The following ADAM9 variants were observed in gnomAD, a reference collection of about 807,000 sequenced individuals.
ADAM9 encodes ADAM metallopeptidase domain 9, also known as disintegrin and metalloproteinase domain-containing protein 9.
ADAM9 carries 54 observed loss-of-function variants against 108.1 expected under a neutral mutation model. The ratio of observed to expected loss-of-function variants is 0.50; its 90% CI spans 0.40 to 0.63. The LOEUF (loss-of-function observed/expected upper bound fraction) is 0.63. Among genes scored for constraint, ADAM9 ranks in the 20% least tolerant of loss-of-function variants. The pLI, the probability that ADAM9 is intolerant of heterozygous loss-of-function variation, is 0.00. For missense variants in ADAM9, 830 were observed against 997.7 expected (o/e 0.83, Z 2.26); for synonymous variants, 316 against 336.0 (o/e 0.94, Z 0.65).
intron 11 of ADAM9, among the ~76,000 whole-genome samples, chr8:39,035,922 C>CT (rs1837258057): frequency 6.6e-6 from 1 of 152,012 alleles, no homozygotes; most frequent in South Asian, 2.1e-4. Flanking sequence ...CCTCAGATTC[C>CT]TTTTTACTAC....
At chr8:39,050,791 G>A (rs1197390732) in intron 12 of ADAM9, among the ~76,000 whole-genome samples, 1 of 149,074 alleles carries the variant, frequency 6.7e-6, no homozygotes, top group Admixed American at 6.7e-5. Context: ...TGTGACATGT[G>A]GTCCAACAGT....
intron 12 of ADAM9, among the ~76,000 whole-genome samples, chr8:39,046,094 A>G (rs905378109): frequency 2.6e-5 from 4 of 152,140 alleles, no homozygotes; most frequent in East Asian, 1.9e-4. Context: ...AATTATTCCA[A>G]TCCATGAACA....
intron 11 of ADAM9, among the ~76,000 whole-genome samples, chr8:39,037,458 G>GTGTTT (rs56848190): frequency 4.7e-5 from 6 of 126,542 alleles, no homozygotes; most frequent in Middle Eastern, 4.1e-3. Context: ...GTGTGTGTGT[G>GTGTTT]TTTTTTTTTT....
intron 14 of ADAM9, among the ~76,000 whole-genome samples, chr8:39,069,872 T>G (rs913902337): frequency 1.3e-5 from 2 of 152,112 alleles, no homozygotes; most frequent in East Asian, 1.9e-4. Context: ...TTTCACTTAT[T>G]TTTTGTGCAT....
Position 39,103,645 on chromosome 8 carries a change from A to T in ADAM9, c.2405A>T (p.Asn802Ile). Reference protein sequence around the residue: ...PPQPKVSSQGNLIPARPAPAP... With the variant: ...PPQPKVSSQGILIPARPAPAP... Reference sequence around the variant, plus strand: ...CAACCGAAAGTATCATCTCAGGGAAACTTAATTCCTGCCCGTCCTGCTCCT... The same window carrying T: ...CAACCGAAAGTATCATCTCAGGGAATCTTAATTCCTGCCCGTCCTGCTCCT... Residue 802 changes from asparagine to isoleucine, a missense_variant, in exon 22 of 22, where the codon AAC (asparagine) becomes ATC (isoleucine). Physicochemically the swap from Asn to Ile is moderately radical, Grantham distance 149. Coordinates refer to ENST00000487273, the MANE Select transcript of ADAM9 (RefSeq NM_003816.3). 1.9e-6 allele frequency: 3 copies of T among 1,614,034 alleles called. No homozygotes were observed. The highest frequency in any genetic ancestry group is 2.5e-6 in the Non-Finnish European group (3 of 1,179,996).
chr8:39,022,033 C>T (rs1240853819), intron 8 of ADAM9, among the ~76,000 whole-genome samples: 1 of 150,328 alleles, frequency 6.7e-6, no homozygotes. Flanking sequence ...ATAAGGCTGC[C>T]TTCTACCCTG....
chr8:39,013,844 T>G, intron 3 of ADAM9, 121 bp from the exon 4 acceptor site: 1 of 805,670 alleles, frequency 1.2e-6, no homozygotes, highest in Non-Finnish European at 2.1e-6. Context: ...TAAAAATAAT[T>G]TATCTGGTGA....
intron 12 of ADAM9, among the ~76,000 whole-genome samples, chr8:39,045,094 ATG>A (rs1460918091): frequency 0.012 from 277 of 23,588 alleles, 52 homozygotes; most frequent in Non-Finnish European, 0.017. Context: ...ATACATACAT[ATG>A]TGTGTGTGCA....
At chr8:39,037,300 C>T (rs1314983846) in intron 11 of ADAM9, among the ~76,000 whole-genome samples, 3 of 146,304 alleles carry the variant, frequency 2.1e-5, no homozygotes, top group East Asian at 4.1e-4. Flanking sequence ...CCACCCGCCT[C>T]GGCCTCCCAA....
intron 1 of ADAM9, among the ~76,000 whole-genome samples, chr8:39,005,830 C>T (rs1267252781): frequency 6.6e-6 from 1 of 152,158 alleles, no homozygotes; most frequent in Admixed American, 6.5e-5. Flanking sequence ...TATGCTTGGC[C>T]TGATTGTTTG....
intron 11 of ADAM9, among the ~76,000 whole-genome samples, chr8:39,033,722 T>A (rs1837176982): frequency 6.6e-6 from 1 of 152,178 alleles, no homozygotes; most frequent in Non-Finnish European, 1.5e-5. Context: ...TCAATTGTAA[T>A]CTGAAATGAA....
intron 9 of ADAM9, among the ~76,000 whole-genome samples, chr8:39,024,436 C>T (rs1043383799): frequency 2.0e-5 from 3 of 152,152 alleles, no homozygotes; most frequent in South Asian, 2.1e-4. Context: ...GAGACATTTC[C>T]CAGATGCTTG....
At chr8:39,009,603 G>C (rs556814890) in intron 2 of ADAM9, among the ~76,000 whole-genome samples, 1 of 152,244 alleles carries the variant, frequency 6.6e-6, no homozygotes, top group South Asian at 2.1e-4. Flanking sequence ...TTGTGTCTCT[G>C]ATAGTATCTT....
chr8:39,045,207 T>C (rs1246886831), intron 12 of ADAM9, among the ~76,000 whole-genome samples: 1 of 138,098 alleles, frequency 7.2e-6, no homozygotes, highest in East Asian at 2.1e-4. Context: ...TGTGTATATA[T>C]GTGTATACAT....
rs192149540 is a variant in ADAM9, at chr8:39,007,788, A to G, written c.98-98A>G. ...TATTGTAATATGGGAATGTCAGGTG[A>G]TTTTTCTGTGATTTGAACATTTTGA... On this transcript the variant is annotated intron_variant, in intron 1 of 21. Coordinates refer to ENST00000487273, the MANE Select transcript of ADAM9 (RefSeq NM_003816.3). 6 of 838,674 alleles carry G rather than the reference A, an allele frequency of 7.2e-6. No individual in the cohort carries two copies. In the East Asian group the frequency reaches 1.5e-4, roughly 21 times the overall value. 52.0% of individuals were successfully genotyped at this position (838,674 alleles called of 1,614,324 possible).
At chr8:39,098,967 A>T (rs578019314) in intron 20 of ADAM9, among the ~76,000 whole-genome samples, 8 of 151,856 alleles carry the variant, frequency 5.3e-5, no homozygotes, top group Admixed American at 1.3e-4. Flanking sequence ...ATATATATAT[A>T]TTTTTTTGCC....
intron 14 of ADAM9, among the ~76,000 whole-genome samples, chr8:39,056,935 A>G (rs922939528): frequency 2.0e-5 from 3 of 152,230 alleles, no homozygotes; most frequent in Non-Finnish European, 4.4e-5. Flanking sequence ...CATATACCGC[A>G]TAACAACATT....
chr8:39,028,058 A>G (rs952015748), intron 11 of ADAM9, among the ~76,000 whole-genome samples: 2 of 152,212 alleles, frequency 1.3e-5, no homozygotes, highest in African/African-American at 4.8e-5. Context: ...ACTGCACTCC[A>G]GCCTGGGCAA....
chr8:39,033,174 G>T (rs1837152159), intron 11 of ADAM9, among the ~76,000 whole-genome samples: 1 of 151,988 alleles, frequency 6.6e-6, no homozygotes, highest in African/African-American at 2.4e-5. Context: ...CATTTTTGGG[G>T]GTCCTAATGT....
Sources: allele counts gnomAD v4.1 joint callset (sites outside exome capture counted in the v4.1 genomes callset), GRCh38; gene constraint gnomAD v4.1.1; transcripts MANE v1.5; gene names NCBI Gene and HGNC (gene_info 2026-07-23, HGNC 2026-07-21).